The following KCNG2 variants were observed in gnomAD, a reference collection of about 807,000 sequenced individuals.
KCNG2 encodes the protein potassium voltage-gated channel modifier subfamily G member 2.
A neutral mutation model predicts 12.3 loss-of-function variants in KCNG2; 7 were observed. The ratio of observed to expected loss-of-function variants is 0.57; its 90% CI spans 0.32 to 1.07. KCNG2 has a LOEUF of 1.07. Among genes scored for constraint, KCNG2 ranks in the 50% least tolerant of loss-of-function variants. The pLI is 0.04. For missense variants in KCNG2, 703 were observed against 726.0 expected, an observed-to-expected ratio of 0.97 and a Z score of 0.36; for synonymous variants, 414 against 351.4, an observed-to-expected ratio of 1.18 and a Z score of -1.99.
Position 79,863,897 on chromosome 18 carries a change from C to A in KCNG2, c.230C>A (p.Ala77Asp). ...TTCTTCTTCGACCGCAGCCCGTGCG[C>A]CTTCCGCGCCATCGTGGCGCTTTTG... is the stretch of plus-strand genomic sequence containing the variant. ...DEFFFDRSPCAFRAIVALLRA... is the reference protein window; with the variant it reads ...DEFFFDRSPCDFRAIVALLRA... The change falls in exon 3 of 4, where the codon GCC becomes GAC. Residue 77 changes from alanine (A) to aspartate (D), a missense_variant. Coordinates refer to ENST00000316249, the MANE Select transcript of KCNG2 (RefSeq NM_012283.2). 1 of 1,447,662 alleles carries A rather than the reference C, an allele frequency of 6.9e-7. No individual in the cohort carries two copies. The allele number at this position is 1,447,662 out of a possible 1,614,324, so 89.7% of individuals were successfully genotyped here.
intron 1 of KCNG2, among the ~76,000 whole-genome samples, chr18:79,813,809 C>T (rs756297459): frequency 6.6e-6 from 1 of 152,132 alleles, no homozygotes; most frequent in Non-Finnish European, 1.5e-5. Flanking sequence ...GAGCATGAAG[C>T]GTAAAACTAC....
intron 3 of KCNG2, among the ~76,000 whole-genome samples, chr18:79,869,204 A>G (rs891258657): frequency 6.6e-6 from 1 of 152,146 alleles, no homozygotes; most frequent in African/African-American, 2.4e-5. Context: ...GGTTGCTTTC[A>G]GTGCCCGCCC....
chr18:79,868,479 C>T (rs975610249), intron 3 of KCNG2, among the ~76,000 whole-genome samples: 1 of 152,152 alleles, frequency 6.6e-6, no homozygotes, highest in Non-Finnish European at 1.5e-5. Flanking sequence ...GCTGACTGAC[C>T]GAAGGTCTTT....
intron 1 of KCNG2, among the ~76,000 whole-genome samples, chr18:79,814,230 C>T (rs1473334793): frequency 3.9e-5 from 6 of 152,090 alleles, no homozygotes; most frequent in Non-Finnish European, 8.8e-5. Context: ...CCCGTATGAC[C>T]CAGCAATTGT....
At chr18:79,827,927 CT>C (rs55913813) in intron 1 of KCNG2, among the ~76,000 whole-genome samples, 199 of 141,018 alleles carry the variant, frequency 1.4e-3, no homozygotes, top group Middle Eastern at 3.7e-3. Flanking sequence ...TTCTTTCTTT[CT>C]TTTTTTTTTT....
intron 1 of KCNG2, among the ~76,000 whole-genome samples, chr18:79,799,284 C>A (rs2087389195): frequency 6.6e-6 from 1 of 152,206 alleles, no homozygotes; most frequent in South Asian, 2.1e-4. Flanking sequence ...GGTTTTCGTT[C>A]TGCTGAGAGT....
At position 79,850,879 on chromosome 18, in the gene KCNG2, G is replaced by A. The variant is rs147621468; in HGVS notation, c.-114-5500G>A. On this transcript the variant is annotated intron_variant, in intron 1 of 3. Coordinates refer to ENST00000316249, the MANE Select transcript of KCNG2 (RefSeq NM_012283.2). The stretch of plus-strand genomic sequence containing the variant: ...TTTTGTACCCACGAGGGCAGGCGCC[G>A]GACCAGGTGGTTCAAGACCAGGTGG... Among the ~76,000 whole-genome samples the A allele has an allele frequency of 1.6e-4, 24 of 152,284 alleles. No homozygotes were observed. In the East Asian group the frequency reaches 3.5e-3, roughly 22 times the overall value.
intron 1 of KCNG2, among the ~76,000 whole-genome samples, chr18:79,807,883 G>A (rs12959429): frequency 1.9e-5 from 2 of 107,072 alleles, no homozygotes; most frequent in African/African-American, 4.2e-5. Context: ...CAGAGTCCGC[G>A]CTCTGAGGAG....
intron 3 of KCNG2, among the ~76,000 whole-genome samples, chr18:79,889,197 A>G (rs1377763103): frequency 6.6e-6 from 1 of 152,162 alleles, no homozygotes; most frequent in Non-Finnish European, 1.5e-5. Flanking sequence ...TTTTGATGCC[A>G]TATCTCATAG....
intron 1 of KCNG2, among the ~76,000 whole-genome samples, chr18:79,816,891 A>G (rs575187933): frequency 1.3e-5 from 2 of 152,336 alleles, no homozygotes; most frequent in African/African-American, 4.8e-5. Context: ...TTGAGGCTGT[A>G]TGGAGGCGGC....
At chr18:79,820,202 T>C (rs1030810141) in intron 1 of KCNG2, among the ~76,000 whole-genome samples, 1 of 152,248 alleles carries the variant, frequency 6.6e-6, no homozygotes, top group Non-Finnish European at 1.5e-5. Context: ...TTGTATCCTC[T>C]GTTTGAGTCC....
At chr18:79,820,008 G>A (rs576161240) in intron 1 of KCNG2, among the ~76,000 whole-genome samples, 2 of 152,322 alleles carry the variant, frequency 1.3e-5, no homozygotes, top group East Asian at 1.9e-4. Context: ...CTCCAGCCGC[G>A]CTCCGAGGAG....
In KCNG2 at chr18:79,822,965, C is replaced by T. The variant is rs144114155; in HGVS notation, c.-115+24951C>T. 3.7e-4 allele frequency among the ~76,000 whole-genome samples: 56 copies of T among 152,216 alleles called. No individual in the cohort carries two copies. Among genetic ancestry groups the T allele is most frequent in the Non-Finnish European group, 7.1e-4 (48 of 68,020 alleles). ...GGCATGTGAAGAGCGTGTGGAGCAC[C>T]CCAAGGCTTTAGGAGTCACTGCCTC... On this transcript the variant is annotated intron_variant, in intron 1 of 3. Transcript: ENST00000316249. This position sits in a 1 kb window ranked among gnomAD's most constrained non-coding sequence, Gnocchi z 4.4.
chr18:79,899,457 GGC>G lies in KCNG2; in HGVS notation c.1049_1050del (p.Arg350ProfsTer163). 6.2e-7 allele frequency: 1 copy of G among 1,602,476 alleles called. No individual in the cohort carries two copies. Among genetic ancestry groups the G allele is most frequent in the South Asian group, 1.1e-5 (1 of 89,626 alleles). On this transcript the variant is annotated frameshift_variant, in exon 4 of 4. Transcript: ENST00000316249. LOFTEE classifies it low-confidence loss of function (END_TRUNC). ...PLVHLAEREL[G>X]ARRDFSSVPA... ...GGTGCACCTGGCCGAGCGCGAGCTG[GGC>G]GCGCGCCGCGACTTCTCCAGCGTGC...
chr18:79,899,016 A>C (rs2123139870), intron 3 of KCNG2, 24 bp from the exon 4 acceptor site: 1 of 1,502,182 alleles, frequency 6.7e-7, no homozygotes, highest in Non-Finnish European at 8.9e-7. Context: ...TGCGCCCCCA[A>C]CCCCGTGTCC....
chr18:79,834,278 G>A (rs111333746), intron 1 of KCNG2, among the ~76,000 whole-genome samples: 39 of 152,262 alleles, frequency 2.6e-4, no homozygotes, highest in African/African-American at 8.2e-4. Context: ...TGGCAAATGG[G>A]GGTTTTCTTT....
At chr18:79,821,959 A>G (rs1404770429) in intron 1 of KCNG2, among the ~76,000 whole-genome samples, 3 of 152,162 alleles carry the variant, frequency 2.0e-5, no homozygotes, top group Non-Finnish European at 2.9e-5. Flanking sequence ...CATTTCTGCA[A>G]AAAAGCACTG....
Position 79,899,852 on chromosome 18 carries a change from T to A in KCNG2, c.*36T>A, listed in dbSNP as rs999899003. On this transcript the variant is annotated 3_prime_UTR_variant, in exon 4 of 4. Transcript: ENST00000316249. Reference sequence around the variant, plus strand: ...GCCCACACGGAGACCCCCTGCCCCCTCCAGCTGCAGCGTCGGGACCCCCGA... The same window carrying A: ...GCCCACACGGAGACCCCCTGCCCCCACCAGCTGCAGCGTCGGGACCCCCGA... 17 of 1,305,166 alleles carry A rather than the reference T, an allele frequency of 1.3e-5. No homozygotes were observed. The highest frequency in any genetic ancestry group is 1.6e-5 in the Non-Finnish European group (16 of 1,030,094). 80.8% of individuals were successfully genotyped at this position (1,305,166 alleles called of 1,614,324 possible). A position where few individuals can be genotyped will look rare whatever the true frequency, so the allele number is the denominator to read the frequency against.
intron 1 of KCNG2, among the ~76,000 whole-genome samples, chr18:79,846,930 C>T (rs1014478944): frequency 7.2e-5 from 11 of 152,146 alleles, no homozygotes; most frequent in African/African-American, 2.4e-4. Flanking sequence ...GTGTGTAGGT[C>T]GCAAGGGTCT....
Sources: allele counts gnomAD v4.1 joint callset (sites outside exome capture counted in the v4.1 genomes callset), GRCh38; gene constraint gnomAD v4.1.1; non-coding constraint Gnocchi (gnomAD v3.1); transcripts MANE v1.5; gene names NCBI Gene and HGNC (gene_info 2026-07-23, HGNC 2026-07-21).